The following NLGN1 variants were observed in gnomAD, a reference collection of about 807,000 sequenced individuals.
The protein encoded by NLGN1 is neuroligin-1.
Under a neutral mutation model 65.5 loss-of-function variants are expected in NLGN1, and 12 were observed. The ratio of observed to expected loss-of-function variants is 0.18; its 90% CI spans 0.12 to 0.30. The LOEUF is 0.30. NLGN1 is among the 10% of genes least tolerant of loss of function. NLGN1 has a pLI of 1.00. For missense variants in NLGN1, 750 were observed against 1,007.1 expected (o/e 0.74, Z 3.46); for synonymous variants, 350 against 359.5 (o/e 0.97, Z 0.30).
intron 4 of NLGN1, among the ~76,000 whole-genome samples, chr3:173,978,376 A>C (rs1290502849): frequency 6.6e-6 from 1 of 152,124 alleles, no homozygotes. Flanking sequence ...TTTTTAGTTT[A>C]GTTATGGGCA....
At chr3:173,843,926 G>T (rs1274651236) in intron 4 of NLGN1, among the ~76,000 whole-genome samples, 4 of 152,118 alleles carry the variant, frequency 2.6e-5, no homozygotes, top group Non-Finnish European at 4.4e-5. Flanking sequence ...TGCTGATAAA[G>T]ACATACCCAA....
chr3:174,072,116 G>A (rs554711448), intron 4 of NLGN1, among the ~76,000 whole-genome samples: 16 of 152,310 alleles, frequency 1.1e-4, no homozygotes, highest in African/African-American at 3.6e-4. Context: ...AAATAAAGGG[G>A]AGAATCTTTG....
chr3:174,139,544 GT>G (rs1721922560), intron 4 of NLGN1, among the ~76,000 whole-genome samples: 1 of 151,798 alleles, frequency 6.6e-6, no homozygotes, highest in African/African-American at 2.4e-5. Context: ...TTACTTCCAA[GT>G]TTTGGCAATT....
chr3:173,930,239 T>G (rs1043333021), intron 4 of NLGN1, among the ~76,000 whole-genome samples: 3 of 152,214 alleles, frequency 2.0e-5, no homozygotes, highest in Non-Finnish European at 2.9e-5. Context: ...CGCATATTAT[T>G]CCAGGTTGGG....
intron 4 of NLGN1, among the ~76,000 whole-genome samples, chr3:173,900,839 T>C (rs570002450): frequency 6.6e-6 from 1 of 152,126 alleles, no homozygotes; most frequent in Admixed American, 6.6e-5. Flanking sequence ...TTCAACATTT[T>C]ACCCTGATAG....
intron 3 of NLGN1, among the ~76,000 whole-genome samples, chr3:173,659,916 C>T (rs573637596): frequency 1.3e-5 from 2 of 151,972 alleles, no homozygotes; most frequent in South Asian, 4.1e-4. Flanking sequence ...ACCTTAATAA[C>T]CATCTTGCAG....
chr3:173,629,121 C>A (rs1755275738), intron 3 of NLGN1, among the ~76,000 whole-genome samples: 1 of 150,090 alleles, frequency 6.7e-6, no homozygotes, highest in Non-Finnish European at 1.5e-5. Flanking sequence ...TCAATTTAAT[C>A]ACAATGGTGA....
intron 4 of NLGN1, among the ~76,000 whole-genome samples, chr3:174,031,503 T>G (rs1730014250): frequency 6.6e-6 from 1 of 152,182 alleles, no homozygotes; most frequent in East Asian, 1.9e-4. Context: ...AATTGAAGAC[T>G]TTTCAGGAGA....
intron 4 of NLGN1, among the ~76,000 whole-genome samples, chr3:174,039,444 C>A (rs774651442): frequency 8.6e-5 from 13 of 151,910 alleles, no homozygotes; most frequent in Non-Finnish European, 1.6e-4. Context: ...CTCCGACAGG[C>A]CCCAGTGTGT....
intron 4 of NLGN1, among the ~76,000 whole-genome samples, chr3:173,971,451 T>A (rs1716209855): frequency 4.6e-5 from 7 of 152,196 alleles, no homozygotes; most frequent in Middle Eastern, 3.4e-3. Context: ...ATGATGATGC[T>A]GAGAGGAGAG....
intron 4 of NLGN1, among the ~76,000 whole-genome samples, chr3:173,848,261 A>AT (rs1444720314): frequency 6.6e-6 from 1 of 152,212 alleles, no homozygotes; most frequent in Non-Finnish European, 1.5e-5. Flanking sequence ...AATAGTAGCC[A>AT]TTAACAACCC....
At chr3:173,688,318 A>G (rs1175805073) in intron 3 of NLGN1, among the ~76,000 whole-genome samples, 3 of 152,162 alleles carry the variant, frequency 2.0e-5, no homozygotes, top group Admixed American at 1.3e-4. Context: ...ATGCAATGGA[A>G]TCCTCTTATT....
chr3:173,867,206 A>T lies in NLGN1; in HGVS notation c.646+59374A>T, dbSNP rs1730341771. On this transcript the variant is annotated intron_variant, in intron 4 of 6. Coordinates refer to ENST00000457714, the Ensembl canonical transcript of NLGN1. ...AAATATGCAGAGATGATATCAGATT[A>T]CAGTGCAGCAGTTAATTTTCTCTCC... Among the ~76,000 whole-genome samples the T allele has an allele frequency of 2.0e-5, 3 of 152,214 alleles. No homozygotes were observed. The South Asian group carries it at 6.2e-4, about 31-fold the overall frequency.
At chr3:174,089,987 C>T (rs1029815737) in intron 4 of NLGN1, among the ~76,000 whole-genome samples, 24 of 151,210 alleles carry the variant, frequency 1.6e-4, no homozygotes, top group African/African-American at 5.6e-4. Flanking sequence ...TTTATTTTAA[C>T]TCATTAACTC....
chr3:173,556,990 C>A (rs929006002), intron 2 of NLGN1, among the ~76,000 whole-genome samples: 7 of 151,364 alleles, frequency 4.6e-5, no homozygotes, highest in Admixed American at 4.0e-4. Flanking sequence ...ATATAAATAT[C>A]CATTAGGTTG....
At chr3:173,842,374 C>T (rs896318800) in intron 4 of NLGN1, among the ~76,000 whole-genome samples, 1 of 152,148 alleles carries the variant, frequency 6.6e-6, no homozygotes, top group African/African-American at 2.4e-5. Flanking sequence ...ACCTTCCCAA[C>T]AGTCCCCCAA....
intron 4 of NLGN1, among the ~76,000 whole-genome samples, chr3:173,995,949 G>T (rs1381490440): frequency 1.3e-5 from 2 of 152,120 alleles, no homozygotes; most frequent in African/African-American, 2.4e-5. Context: ...TCCTCTGAAA[G>T]TGCTGGGATT....
intron 4 of NLGN1, among the ~76,000 whole-genome samples, chr3:173,808,505 G>A (rs1011374138): frequency 9.2e-5 from 14 of 152,010 alleles, no homozygotes; most frequent in African/African-American, 3.1e-4. Context: ...TTCTGAGATA[G>A]GCATGTTATC....
At chr3:173,566,623 T>A (rs1743717050) in intron 2 of NLGN1, among the ~76,000 whole-genome samples, 1 of 152,144 alleles carries the variant, frequency 6.6e-6, no homozygotes, top group Non-Finnish European at 1.5e-5. Context: ...AGACTCCCTC[T>A]CTACCCTCTA....
Sources: gnomAD v4.1 joint callset for allele counts (sites outside exome capture counted in the v4.1 genomes callset) on GRCh38, gnomAD v4.1.1 for gene constraint, MANE v1.5 for transcripts, NCBI Gene and HGNC (gene_info 2026-07-23, HGNC 2026-07-21) for gene names.